UGT2B4: variants seen among roughly 807,000 people sequenced by gnomAD.
UGT2B4 encodes the protein UDP-glucuronosyltransferase 2B4.
In UGT2B4, 49 loss-of-function variants were observed where a neutral mutation model predicts 49.8. That is an observed-to-expected ratio of 0.98 (90% confidence interval 0.78 to 1.25). UGT2B4 has a LOEUF of 1.25. Among genes scored for constraint, UGT2B4 ranks in the 50% most tolerant of loss-of-function variants. The pLI is 0.00. For missense variants in UGT2B4, 729 were observed against 627.7 expected (o/e 1.16, Z -1.73); for synonymous variants, 246 against 217.7 (o/e 1.13, Z -1.14).
rs114142513 is a variant in UGT2B4, at chr4:69,511,724, G to T, written c.-106+13963C>A. The stretch of plus-strand genomic sequence containing the variant: ...GTATCTTTTTCTTTTCAGATTTTTG[G>T]AAAAGATTATAAAGAAAAAGCATTA... On this transcript the variant is annotated intron_variant, in intron 1 of 1. Coordinates refer to the UGT2B4 transcript ENST00000510114. Among the ~76,000 whole-genome samples the T allele has an allele frequency of 4.3e-3, 653 of 152,030 alleles. 6 individuals are homozygous for T. Among genetic ancestry groups the T allele is most frequent in the African/African-American group, 0.014 (562 of 41,494 alleles).
intron 1 of UGT2B4, among the ~76,000 whole-genome samples, chr4:69,494,753 TATAG>T (rs566020009): frequency 4.6e-5 from 7 of 152,330 alleles, no homozygotes; most frequent in African/African-American, 1.4e-4. Context: ...TGCAATGTTA[TATAG>T]ATAGTTCTAA....
In UGT2B4 at chr4:69,515,661, A is replaced by G. The variant is rs183769156; in HGVS notation, c.-106+10026T>C. ...AAAGACAAGAAATAACCAAGATTAG[A>G]ACTTAACTGAAGGAGATACAGACGT... On this transcript the variant is annotated intron_variant, in intron 1 of 1. Transcript: ENST00000510114. 2.0e-5 allele frequency among the ~76,000 whole-genome samples: 3 copies of G among 152,332 alleles called. No homozygotes were observed. The East Asian group carries it at 5.8e-4, about 29-fold the overall frequency.
At chr4:69,512,931 T>C (rs980417979) in intron 1 of UGT2B4, among the ~76,000 whole-genome samples, 1 of 152,276 alleles carries the variant, frequency 6.6e-6, no homozygotes, top group Non-Finnish European at 1.5e-5. Context: ...GCTGGGGTTG[T>C]TTGTTTTTCT....
At chr4:69,512,973 C>A (rs936379258) in intron 1 of UGT2B4, among the ~76,000 whole-genome samples, 4 of 152,070 alleles carry the variant, frequency 2.6e-5, no homozygotes, top group African/African-American at 7.2e-5. Context: ...CTTGTAGAAT[C>A]TGGATATGAG....
At chr4:69,511,896 G>T (rs570318084) in intron 1 of UGT2B4, among the ~76,000 whole-genome samples, 1 of 151,904 alleles carries the variant, frequency 6.6e-6, no homozygotes, top group East Asian at 1.9e-4. Context: ...TAGGTTGTAC[G>T]TTCTTATGAA....
chr4:69,480,523 A>G lies in UGT2B4; in HGVS notation c.*111T>C. ...TTGACTTGACAAGGTAAGTTTTGAA[A>G]GATGTTTTGTCACAAGAAGAAAGGA... is the stretch of plus-strand genomic sequence containing the variant. On this transcript the variant is annotated 3_prime_UTR_variant, in exon 6 of 6. Coordinates refer to ENST00000305107, the MANE Select transcript of UGT2B4 (RefSeq NM_021139.3). The G allele has an allele frequency of 1.3e-6, 2 of 1,488,112 alleles. No individual in the cohort carries two copies. Among genetic ancestry groups the G allele is most frequent in the Non-Finnish European group, 1.8e-6 (2 of 1,112,486 alleles). 92.2% of individuals were successfully genotyped at this position (1,488,112 alleles called of 1,614,324 possible).
At chr4:69,508,007 A>T (rs1322758971) in intron 1 of UGT2B4, among the ~76,000 whole-genome samples, 2 of 152,204 alleles carry the variant, frequency 1.3e-5, no homozygotes, top group African/African-American at 4.8e-5. Context: ...AAACAAATTT[A>T]CTAGAAAAAA....
intron 1 of UGT2B4, among the ~76,000 whole-genome samples, chr4:69,524,914 G>A (rs567600057): frequency 2.6e-5 from 4 of 152,250 alleles, no homozygotes; most frequent in African/African-American, 9.6e-5. Flanking sequence ...CAGGATCTAG[G>A]CAGAGTGTGG....
At chr4:69,493,613 G>GT in intron 2 of UGT2B4, 80 bp downstream of exon 2, 1 of 1,478,102 alleles carries the variant, frequency 6.8e-7, no homozygotes, top group South Asian at 1.5e-5. Flanking sequence ...TTCTTCCAGT[G>GT]TAAGTCAAAC....
At chr4:69,480,946 T>C (rs376401329) in intron 5 of UGT2B4, 36 bp from the exon 6 acceptor site, 3 of 1,602,576 alleles carry the variant, frequency 1.9e-6, no homozygotes, top group African/African-American at 1.3e-5. Flanking sequence ...ACATTGAAAG[T>C]AAGTTAATTT....
At chr4:69,491,796 G>C (rs1398099341) in intron 2 of UGT2B4, among the ~76,000 whole-genome samples, 1 of 151,882 alleles carries the variant, frequency 6.6e-6, no homozygotes, top group East Asian at 1.9e-4. Flanking sequence ...GATAGGGTGG[G>C]ACAGAATTTT....
intron 1 of UGT2B4, among the ~76,000 whole-genome samples, chr4:69,508,681 C>A (rs557956248): frequency 2.0e-3 from 303 of 152,114 alleles, no homozygotes; most frequent in African/African-American, 7.1e-3. Context: ...TAGAAGGGAA[C>A]AAAAGACACT....
Position 69,480,381 on chromosome 4 carries a change from T to A in UGT2B4, c.*253A>T. ...TGAATTGGAACAATAAATTTCAATA[T>A]AAGCTCAATACATTTCAATATAACC... On this transcript the variant is annotated 3_prime_UTR_variant, in exon 6 of 6. Transcript: ENST00000305107. 2.5e-6 allele frequency: 1 copy of A among 398,750 alleles called. No homozygotes were observed. The highest frequency in any genetic ancestry group is 4.9e-5 in the East Asian group (1 of 20,392). The allele number at this position is 398,750 out of a possible 1,614,324, so 24.7% of individuals were successfully genotyped here. A position where few individuals can be genotyped will look rare whatever the true frequency, so the allele number is the denominator to read the frequency against.
At chr4:69,521,914 C>T (rs1728858690) in intron 1 of UGT2B4, among the ~76,000 whole-genome samples, 1 of 152,158 alleles carries the variant, frequency 6.6e-6, no homozygotes, top group Admixed American at 6.5e-5. Context: ...ACTGTTCTTT[C>T]AGGAACTGAT....
Position 69,495,299 on chromosome 4 carries a change from A to G in UGT2B4, c.563T>C (p.Leu188Pro), listed in dbSNP as rs760367928. 3.7e-6 allele frequency: 6 copies of G among 1,613,512 alleles called. No individual in the cohort carries two copies. In the East Asian group the frequency reaches 8.9e-5, roughly 24 times the overall value. ...AACAGGCACATAGGAAGGAGGGAAC[A>G]GAAGTCCTCCACTATGCTTTTCAAT... ...YAIEKHSGGL[L>P]FPPSYVPVVM... The change falls in exon 1 of 6, where the codon CTG becomes CCG. Residue 188 changes from leucine (L) to proline (P), a missense_variant. Leu to Pro is a moderately conservative substitution (Grantham distance 98). Coordinates refer to ENST00000305107, the MANE Select transcript of UGT2B4 (RefSeq NM_021139.3).
At chr4:69,515,738 C>T (rs562982449) in intron 1 of UGT2B4, among the ~76,000 whole-genome samples, 94 of 151,628 alleles carry the variant, frequency 6.2e-4, no homozygotes, top group Middle Eastern at 3.4e-3. Flanking sequence ...TTTGAAAAAG[C>T]TAATAAAATA....
chr4:69,509,220 G>T (rs1209180206), intron 1 of UGT2B4, among the ~76,000 whole-genome samples: 1 of 139,470 alleles, frequency 7.2e-6, no homozygotes, highest in East Asian at 2.1e-4. Context: ...ACCCAGACTG[G>T]CAATGCAGTG....
At chr4:69,482,118 C>A (rs556241347) in intron 5 of UGT2B4, among the ~76,000 whole-genome samples, 1 of 152,070 alleles carries the variant, frequency 6.6e-6, no homozygotes, top group Non-Finnish European at 1.5e-5. Context: ...TTACACATTG[C>A]GTCCCCTCTA....
rs1300397955 is a variant in UGT2B4 at position 69,495,154 on chromosome 4, G to A, written c.708C>T (p.Tyr236=). ...AAAGTTACTTACCTAGAACTTCACT[G>A]TAGAACTGATCCCACTTCTTCATGT... is the stretch of plus-strand genomic sequence containing the variant. ...IFDMKKWDQF[Y]SEVLGRPTTL... Residue 236 remains tyrosine (Y), a synonymous_variant, in exon 1 of 6, where the codon TAC becomes TAT. Transcript: ENST00000305107. The A allele has an allele frequency of 5.1e-6, 8 of 1,560,474 alleles. No homozygotes were observed. The highest frequency in any genetic ancestry group is 4.5e-5 in the East Asian group (2 of 44,578).
Sources: allele counts gnomAD v4.1 joint callset (sites outside exome capture counted in the v4.1 genomes callset), GRCh38; gene constraint gnomAD v4.1.1; transcripts MANE v1.5; gene names NCBI Gene and HGNC (gene_info 2026-07-23, HGNC 2026-07-21).